STK39: variants seen among roughly 807,000 people sequenced by gnomAD.
STK39 encodes serine/threonine kinase 39.
Under a neutral mutation model 77.8 loss-of-function variants are expected in STK39, and 20 were observed. That is an observed-to-expected ratio of 0.26 (90% CI 0.18 to 0.37). The LOEUF (loss-of-function observed/expected upper bound fraction) is 0.37, where lower values mean the gene tolerates loss of function less well. Ranked by LOEUF, STK39 falls within the 10% of genes least tolerant of loss-of-function variation. The pLI is 1.00. For missense variants in STK39, 479 were observed against 656.5 expected, an observed-to-expected ratio of 0.73 and a Z score of 2.95; for synonymous variants, 246 against 234.1, an observed-to-expected ratio of 1.05 and a Z score of -0.47.
chr2:168,180,070 G>A (rs1689047166), intron 2 of STK39, among the ~76,000 whole-genome samples: 1 of 152,206 alleles, frequency 6.6e-6, no homozygotes, highest in African/African-American at 2.4e-5. Flanking sequence ...GTATCAGCCA[G>A]GTGCGGTGGC....
Position 168,158,145 on chromosome 2 carries a change from C to T in STK39, c.628+3642G>A, listed in dbSNP as rs141961977. Among the ~76,000 whole-genome samples the T allele has an allele frequency of 4.7e-3, 721 of 152,290 alleles. 5 individuals carry two copies. The highest frequency in any genetic ancestry group is 0.014 in the South Asian group (67 of 4,826). On this transcript the variant is annotated intron_variant, in intron 5 of 17. Coordinates refer to ENST00000355999, the MANE Select transcript of STK39 (RefSeq NM_013233.3). ...GAAGAACATGACTTTCGAGTAGCCA[C>T]TCCCCCTTCTATCACACAGTGCAGC... is the stretch of plus-strand genomic sequence containing the variant.
intron 10 of STK39, among the ~76,000 whole-genome samples, chr2:168,118,030 A>G (rs1687303294): frequency 6.6e-6 from 1 of 152,112 alleles, no homozygotes; most frequent in Non-Finnish European, 1.5e-5. Flanking sequence ...GGAAGAAAGG[A>G]AAGAAATGGT....
chr2:168,144,925 A>G (rs1477637551), intron 5 of STK39, among the ~76,000 whole-genome samples: 3 of 151,818 alleles, frequency 2.0e-5, no homozygotes, highest in Non-Finnish European at 2.9e-5. Flanking sequence ...AGGACGCAGT[A>G]AGCCATGATC....
chr2:168,091,378 C>T (rs1162506182), intron 10 of STK39, among the ~76,000 whole-genome samples: 1 of 152,182 alleles, frequency 6.6e-6, no homozygotes, highest in Admixed American at 6.5e-5. Context: ...CTCTCTCATT[C>T]AAAACTCACA....
rs148443733 is a variant in STK39 at position 168,219,393 on chromosome 2, G to A, written c.208+27835C>T. Among the ~76,000 whole-genome samples, 3 of 152,218 alleles carry A rather than the reference G, an allele frequency of 2.0e-5. No homozygotes were observed. The East Asian group carries it at 5.8e-4, about 29-fold the overall frequency. On this transcript the variant is annotated intron_variant, in intron 1 of 17. Transcript: ENST00000355999. ...AGCCTAGCAGAATACAGATAAGTCAGGCACTATGGGGACTTCCTACCCTGG... is the reference window on the plus strand; with the variant it reads ...AGCCTAGCAGAATACAGATAAGTCAAGCACTATGGGGACTTCCTACCCTGG...
At chr2:168,105,241 C>T (rs1216208047) in intron 10 of STK39, among the ~76,000 whole-genome samples, 1 of 152,232 alleles carries the variant, frequency 6.6e-6, no homozygotes, top group Non-Finnish European at 1.5e-5. Context: ...GAACTCAGTC[C>T]ACCATACTCA....
intron 15 of STK39, among the ~76,000 whole-genome samples, chr2:168,016,387 C>CAAAAAAAAAAAAAAAA (rs869084308): frequency 4.6e-5 from 3 of 65,686 alleles, no homozygotes; most frequent in African/African-American, 1.7e-4. Context: ...GGCCTTTGTT[C>CAAAAAAAAAAAAAAAA]AAAAAAAAAA....
chr2:168,060,957 T>C (rs756073998), intron 14 of STK39, among the ~76,000 whole-genome samples: 4 of 152,180 alleles, frequency 2.6e-5, no homozygotes, highest in Non-Finnish European at 5.9e-5. Context: ...GTTAATCAGA[T>C]TGGCAATGGA....
At chr2:168,185,675 T>C (rs1346479691) in intron 1 of STK39, among the ~76,000 whole-genome samples, 1 of 152,208 alleles carries the variant, frequency 6.6e-6, no homozygotes, top group Admixed American at 6.5e-5. Flanking sequence ...AAAACTACAG[T>C]GTTTATTTTG....
At chr2:168,004,503 C>T (rs888351859) in intron 16 of STK39, among the ~76,000 whole-genome samples, 2 of 151,898 alleles carry the variant, frequency 1.3e-5, no homozygotes, top group Admixed American at 6.6e-5. Context: ...GAGGCCGAGG[C>T]AGGCGGATCA....
chr2:168,044,245 T>C (rs1031749740), intron 14 of STK39, among the ~76,000 whole-genome samples: 4 of 152,206 alleles, frequency 2.6e-5, no homozygotes, highest in Admixed American at 6.5e-5. Flanking sequence ...AACCTCCCTT[T>C]AAGGTAACCT....
chr2:168,081,882 G>T (rs1054540479), intron 10 of STK39, among the ~76,000 whole-genome samples: 1 of 152,196 alleles, frequency 6.6e-6, no homozygotes, highest in Non-Finnish European at 1.5e-5. Context: ...TGACATCCAT[G>T]TAAGATGTGA....
chr2:167,967,287 C>T (rs1692183912), intron 16 of STK39, among the ~76,000 whole-genome samples: 1 of 152,204 alleles, frequency 6.6e-6, no homozygotes, highest in African/African-American at 2.4e-5. Context: ...CCCTCCCTTC[C>T]CAGCCCACAA....
chr2:168,048,575 C>T (rs575612930), intron 14 of STK39, among the ~76,000 whole-genome samples: 3 of 151,978 alleles, frequency 2.0e-5, no homozygotes, highest in Non-Finnish European at 4.4e-5. Flanking sequence ...GAATATTGGA[C>T]CAAACTGGGC....
intron 16 of STK39, among the ~76,000 whole-genome samples, chr2:167,979,971 A>G (rs76608335): frequency 0.038 from 5,769 of 152,296 alleles, 396 homozygotes; most frequent in African/African-American, 0.13. Context: ...GGATGCCAAG[A>G]GAAGAGTCTT....
chr2:168,110,141 G>A (rs1013420054), intron 10 of STK39, among the ~76,000 whole-genome samples: 1 of 152,100 alleles, frequency 6.6e-6, no homozygotes, highest in African/African-American at 2.4e-5. Context: ...TTATCTAAAC[G>A]ATTTAAAGTT....
chr2:168,007,243 T>A (rs1684154343), intron 16 of STK39, among the ~76,000 whole-genome samples: 1 of 152,242 alleles, frequency 6.6e-6, no homozygotes. Flanking sequence ...TTATTTCATA[T>A]TTGCAAACAC....
chr2:168,022,297 T>G (rs1351076755), intron 14 of STK39, among the ~76,000 whole-genome samples: 2 of 152,236 alleles, frequency 1.3e-5, no homozygotes, highest in Admixed American at 6.5e-5. Flanking sequence ...TCAAAGGATA[T>G]ATGCATTTGT....
chr2:168,203,101 G>T (rs1193500275), intron 1 of STK39, among the ~76,000 whole-genome samples: 2 of 152,028 alleles, frequency 1.3e-5, no homozygotes, highest in Admixed American at 6.6e-5. Flanking sequence ...GAGCATCCCC[G>T]GCCGTAGCAT....
Sources: allele counts gnomAD v4.1 joint callset (sites outside exome capture counted in the v4.1 genomes callset), GRCh38; gene constraint gnomAD v4.1.1; transcripts MANE v1.5; gene names NCBI Gene and HGNC (gene_info 2026-07-23, HGNC 2026-07-21).